The following SANBR variants were observed in gnomAD, a reference collection of about 807,000 sequenced individuals.
SANBR encodes the protein SANT and BTB domain regulator of class switch recombination.
Under a neutral mutation model 101.8 loss-of-function variants are expected in SANBR, and 77 were observed. That is an observed-to-expected ratio of 0.76 (90% CI 0.63 to 0.91). The LOEUF is 0.91. Among genes scored for constraint, SANBR ranks in the 40% least tolerant of loss-of-function variants. SANBR has a pLI of 0.00. For missense variants in SANBR, 875 were observed against 853.0 expected (o/e 1.03, Z -0.32); for synonymous variants, 279 against 274.7 (o/e 1.02, Z -0.15).
chr2:61,118,543 A>G (rs1233566780), intron 20 of SANBR, among the ~76,000 whole-genome samples: 1 of 148,820 alleles, frequency 6.7e-6, no homozygotes, highest in Non-Finnish European at 1.5e-5. Context: ...ACCTGGCCAA[A>G]TATATGTGGG....
At chr2:61,089,088 T>A in intron 10 of SANBR, 1 of 981,850 alleles carries the variant, frequency 1.0e-6, no homozygotes, top group Non-Finnish European at 1.2e-6. Flanking sequence ...ATTTTAGTTA[T>A]CTGTACAAAT....
intron 20 of SANBR, among the ~76,000 whole-genome samples, chr2:61,118,849 A>C (rs1325655829): frequency 6.6e-6 from 1 of 152,022 alleles, no homozygotes; most frequent in Non-Finnish European, 1.5e-5. Flanking sequence ...CGTGAGCCAC[A>C]ATGCCTGGCC....
At chr2:61,126,668 G>A (rs1684521976), downstream of SANBR, among the ~76,000 whole-genome samples, 1 of 151,746 alleles carries the variant, frequency 6.6e-6, no homozygotes, top group Admixed American at 6.6e-5. Flanking sequence ...TGGACGTGGT[G>A]GCGGGTGCTT....
chr2:61,069,594 A>T (rs1323657564), intron 2 of SANBR: 1 of 152,370 alleles, frequency 6.6e-6, no homozygotes, highest in Non-Finnish European at 1.5e-5. Context: ...AATCATAGAT[A>T]TAACTAGTCA....
downstream of SANBR, among the ~76,000 whole-genome samples, chr2:61,124,851 A>G (rs762333565): frequency 1.9e-4 from 29 of 152,330 alleles, no homozygotes; most frequent in African/African-American, 3.8e-4. Context: ...CTTCTTCACA[A>G]TACTCAGCCA....
At chr2:61,127,746 G>A (rs1046192917), downstream of SANBR, among the ~76,000 whole-genome samples, 6 of 152,106 alleles carry the variant, frequency 3.9e-5, no homozygotes, top group African/African-American at 1.2e-4. Context: ...ACATCATTAA[G>A]CTCGCTAACA....
In SANBR at chr2:61,103,926, C is replaced by A. The variant is rs529865325; in HGVS notation, c.1439C>A (p.Thr480Asn). Residue 480 changes from threonine (T) to asparagine (N), a missense_variant, in exon 13 of 22, where the codon ACT becomes AAT. Physicochemically the swap from Thr to Asn is moderately conservative, Grantham distance 65. Transcript: ENST00000402291. ...GEGGDLPSCP[T>N]ARMLDDLHKY... ...GGCGGAGATTTGCCGTCCTGTCCCA[C>A]TGCTAGAATGTTGGACGATTTGCAC... 9.9e-6 allele frequency: 16 copies of A among 1,614,044 alleles called. No individual in the cohort carries two copies. Among genetic ancestry groups the A allele is most frequent in the Non-Finnish European group, 1.4e-5 (16 of 1,179,986 alleles).
At chr2:61,119,804 T>C (rs1038188617) in intron 20 of SANBR, among the ~76,000 whole-genome samples, 3 of 151,752 alleles carry the variant, frequency 2.0e-5, no homozygotes, top group African/African-American at 7.3e-5. Flanking sequence ...CAAAAAAAAG[T>C]AACAAAAATT....
chr2:61,097,980 A>T, intron 12 of SANBR, 128 bp downstream of exon 12: 1 of 608,724 alleles, frequency 1.6e-6, no homozygotes, highest in Non-Finnish European at 2.6e-6. Flanking sequence ...ACACTCCCCC[A>T]TTTTCCATCT....
At chr2:61,076,639 A>G (rs573933199) in intron 5 of SANBR, among the ~76,000 whole-genome samples, 8 of 151,796 alleles carry the variant, frequency 5.3e-5, no homozygotes, top group East Asian at 1.9e-4. Flanking sequence ...AAAAAAAAAA[A>G]AAAGAAAGAA....
chr2:61,081,425 G>C lies in SANBR; in HGVS notation c.671-27G>C. On this transcript the variant is annotated intron_variant, in intron 6 of 21. Coordinates refer to ENST00000402291, the MANE Select transcript of SANBR (RefSeq NM_001129993.3). Reference sequence around the variant, plus strand: ...AGGAGATTGGGGTACCCATCAAAAGGGTAATCTAATTTTTTTTTTTTTTTA... The same window carrying C: ...AGGAGATTGGGGTACCCATCAAAAGCGTAATCTAATTTTTTTTTTTTTTTA... The C allele has an allele frequency of 1.9e-6, 3 of 1,567,616 alleles. 1 individual carries two copies. Among genetic ancestry groups the C allele is most frequent in the Non-Finnish European group, 2.6e-6 (3 of 1,159,552 alleles).
At chr2:61,100,652 C>T (rs11895392) in intron 12 of SANBR, among the ~76,000 whole-genome samples, 1,717 of 152,222 alleles carry the variant, frequency 0.011, 38 homozygotes, top group African/African-American at 0.039. Flanking sequence ...CAATCCAATG[C>T]TTTTTCTGTT....
At chr2:61,098,078 T>TA (rs1683115371) in intron 12 of SANBR, among the ~76,000 whole-genome samples, 2 of 145,820 alleles carry the variant, frequency 1.4e-5, no homozygotes, top group Non-Finnish European at 3.0e-5. Flanking sequence ...TATATATATA[T>TA]TTTTTGGAGG....
At chr2:61,070,523 T>A in intron 3 of SANBR, 23 bp downstream of exon 3, 1 of 1,592,124 alleles carries the variant, frequency 6.3e-7, no homozygotes, top group Non-Finnish European at 8.5e-7. Flanking sequence ...CCCCCCAGAA[T>A]ATCTCCTGAA....
rs1363427197 is a variant in SANBR, at chr2:61,109,677, G to GTTT, written c.1744+382_1744+384dup. ...TTAGTGGAAAGCATGTTTTTTTTGTGTTTGTTTTTTTTTTTTTTTTTTTGA... is the reference window on the plus strand; with the variant it reads ...TTAGTGGAAAGCATGTTTTTTTTGTGTTTTTTGTTTTTTTTTTTTTTTTTTTGA... On this transcript the variant is annotated intron_variant, in intron 16 of 21. Transcript: ENST00000402291. Among the ~76,000 whole-genome samples the GTTT allele has an allele frequency of 2.5e-3, 274 of 109,412 alleles. 11 individuals carry two copies. The highest frequency in any genetic ancestry group is 3.0e-3 in the Non-Finnish European group (153 of 51,768). 71.8% of individuals were successfully genotyped at this position (109,412 alleles called of 152,430 possible). A position where few individuals can be genotyped will look rare whatever the true frequency, so the allele number is the denominator to read the frequency against.
chr2:61,077,426 G>A lies in SANBR; in HGVS notation c.670+268G>A, dbSNP rs150724333. ...GGGACCCTTTTAGAGGGTCTACAAG[G>A]TCAAAACAGTTTGCCTAATAATACC... On this transcript the variant is annotated intron_variant, in intron 6 of 21. Coordinates refer to ENST00000402291, the MANE Select transcript of SANBR (RefSeq NM_001129993.3). Among the ~76,000 whole-genome samples, 407 of 152,250 alleles carry A rather than the reference G, an allele frequency of 2.7e-3. 2 individuals are homozygous for A. The highest frequency in any genetic ancestry group is 8.3e-3 in the African/African-American group (344 of 41,546).
intron 12 of SANBR, among the ~76,000 whole-genome samples, chr2:61,099,018 G>T (rs1176251763): frequency 2.6e-5 from 4 of 152,206 alleles, no homozygotes; most frequent in South Asian, 2.1e-4. Flanking sequence ...TGAAGGATTC[G>T]TAGGAGTACG....
intron 20 of SANBR, among the ~76,000 whole-genome samples, 194 bp downstream of exon 20, chr2:61,118,310 C>T (rs769099933): frequency 2.2e-4 from 33 of 152,076 alleles, no homozygotes; most frequent in Non-Finnish European, 3.4e-4. Flanking sequence ...GGTGCAATCT[C>T]GGCTCACTGC....
At chr2:61,088,093 TTTG>T (rs1326899211) in intron 8 of SANBR, 63 bp from the exon 9 acceptor site, 1 of 808,204 alleles carries the variant, frequency 1.2e-6, no homozygotes, top group Non-Finnish European at 2.0e-6. Flanking sequence ...CACAGATTGG[TTTG>T]TTTATTTTCA....
Sources: allele counts gnomAD v4.1 joint callset (sites outside exome capture counted in the v4.1 genomes callset), GRCh38; gene constraint gnomAD v4.1.1; transcripts MANE v1.5; gene names NCBI Gene and HGNC (gene_info 2026-07-23, HGNC 2026-07-21).